FGD6: variants seen among roughly 807,000 people sequenced by gnomAD.
FGD6 encodes FYVE, RhoGEF and PH domain-containing protein 6.
A neutral mutation model predicts 149.4 loss-of-function variants in FGD6; 90 were observed. That is an observed-to-expected ratio of 0.60 (90% CI 0.51 to 0.72). The LOEUF (loss-of-function observed/expected upper bound fraction) is 0.72. FGD6 is among the 30% of genes least tolerant of loss of function. The pLI, the probability that FGD6 is intolerant of heterozygous loss-of-function variation, is 0.00. For synonymous variants in FGD6, 527 were observed against 584.0 expected (o/e 0.90, Z 1.41); for missense variants, 1,437 against 1,684.8 (o/e 0.85, Z 2.57).
At chr12:95,166,416 C>A (rs1010486978) in intron 3 of FGD6, among the ~76,000 whole-genome samples, 17 of 152,060 alleles carry the variant, frequency 1.1e-4, no homozygotes, top group African/African-American at 4.1e-4. Context: ...CCTTTTAAAG[C>A]ATACAATTCA....
intron 2 of FGD6, among the ~76,000 whole-genome samples, chr12:95,196,968 C>T (rs1015437876): frequency 6.6e-6 from 1 of 152,110 alleles, no homozygotes; most frequent in Non-Finnish European, 1.5e-5. Flanking sequence ...CACAAAGAGG[C>T]ATCTCAATCC....
chr12:95,097,214 A>G (rs1878259960), intron 14 of FGD6, among the ~76,000 whole-genome samples: 2 of 152,248 alleles, frequency 1.3e-5, no homozygotes. Flanking sequence ...CAGAAGAATC[A>G]GCATCTTCTT....
At chr12:95,174,944 A>AAAAG (rs1356558438) in intron 2 of FGD6, among the ~76,000 whole-genome samples, 1 of 151,372 alleles carries the variant, frequency 6.6e-6, no homozygotes, top group Non-Finnish European at 1.5e-5. Flanking sequence ...AAAAAAAAAA[A>AAAAG]AAAGAAATTA....
chr12:95,192,418 T>C (rs1881617582), intron 2 of FGD6, among the ~76,000 whole-genome samples: 1 of 152,182 alleles, frequency 6.6e-6, no homozygotes, highest in Non-Finnish European at 1.5e-5. Context: ...TATTATACCA[T>C]AAACAGGATA....
rs1292571167 is a variant in FGD6 at position 95,129,307 on chromosome 12, G to GCATC, written c.3082+5431_3082+5432insGATG. Among the ~76,000 whole-genome samples the GCATC allele has an allele frequency of 5.8e-4, 83 of 142,220 alleles. 1 individual carries two copies. The highest frequency in any genetic ancestry group is 3.8e-3 in the South Asian group (16 of 4,266). The allele number at this position is 142,220 out of a possible 152,430, so 93.3% of individuals were successfully genotyped here. A position where few individuals can be genotyped will look rare whatever the true frequency, so the allele number is the denominator to read the frequency against. ...TGCATCCATGCATCCATGCATGCAT[G>GCATC]CATGCATCCATCCATCCATCCATCC... On this transcript the variant is annotated intron_variant, in intron 8 of 20. Transcript: ENST00000343958.
At chr12:95,145,246 C>T (rs1048698763) in intron 5 of FGD6, among the ~76,000 whole-genome samples, 1 of 152,236 alleles carries the variant, frequency 6.6e-6, no homozygotes, top group Non-Finnish European at 1.5e-5. Flanking sequence ...GTCTCAGCTT[C>T]CCAAAGTGTT....
chr12:95,100,800 T>C, intron 14 of FGD6: 1 of 439,110 alleles, frequency 2.3e-6, no homozygotes, highest in South Asian at 1.9e-5. Flanking sequence ...AATGCCCTTT[T>C]CCCAACATTG....
At chr12:95,128,024 G>GA (rs1273807893) in intron 8 of FGD6, among the ~76,000 whole-genome samples, 1 of 151,856 alleles carries the variant, frequency 6.6e-6, no homozygotes, top group Non-Finnish European at 1.5e-5. Flanking sequence ...CAGGTAGATG[G>GA]AAAAAAACTA....
At chr12:95,192,075 T>C (rs1458657615) in intron 2 of FGD6, among the ~76,000 whole-genome samples, 1 of 152,166 alleles carries the variant, frequency 6.6e-6, no homozygotes, top group Non-Finnish European at 1.5e-5. Context: ...AACCAACTAA[T>C]ATAAATGCTA....
chr12:95,183,093 A>C (rs537938165), intron 2 of FGD6, among the ~76,000 whole-genome samples: 1 of 152,334 alleles, frequency 6.6e-6, no homozygotes, highest in African/African-American at 2.4e-5. Context: ...ATTAAGGCCC[A>C]ATATTATGCT....
chr12:95,095,896 C>G (rs1023915487), intron 14 of FGD6, among the ~76,000 whole-genome samples: 6 of 151,862 alleles, frequency 4.0e-5, no homozygotes, highest in African/African-American at 1.5e-4. Flanking sequence ...TGCCTGTAAT[C>G]CCAGCTACTC....
chr12:95,091,887 TAC>T, intron 16 of FGD6, 78 bp from the exon 17 acceptor site: 2 of 1,091,722 alleles, frequency 1.8e-6, no homozygotes, highest in Non-Finnish European at 1.4e-6. Flanking sequence ...TGTTACAATT[TAC>T]AGTGCTATCC....
chr12:95,079,327 TG>T lies in FGD6; in HGVS notation c.*2192del. 1 of 152,254 alleles carries T rather than the reference TG, an allele frequency of 6.6e-6. No individual in the cohort carries two copies. Among genetic ancestry groups the T allele is most frequent in the Admixed American group, 6.5e-5 (1 of 15,292 alleles). The allele number at this position is 152,254 out of a possible 1,614,324, so 9.4% of individuals were successfully genotyped here. A position where few individuals can be genotyped will look rare whatever the true frequency, so the allele number is the denominator to read the frequency against. ...GCATTTTACATGTAATTAAAGAGAC[TG>T]TAAGTTTGTGCCAGATTTCTTCCCT... On this transcript the variant is annotated 3_prime_UTR_variant, in exon 21 of 21. Transcript: ENST00000343958.
chr12:95,087,041 T>A (rs1877903348), intron 18 of FGD6, among the ~76,000 whole-genome samples: 1 of 150,356 alleles, frequency 6.7e-6, no homozygotes, highest in South Asian at 2.1e-4. Context: ...CGAGACAGGG[T>A]TTCGCCATGT....
At chr12:95,119,324 T>C (rs908606969) in intron 8 of FGD6, among the ~76,000 whole-genome samples, 1 of 152,152 alleles carries the variant, frequency 6.6e-6, no homozygotes, top group African/African-American at 2.4e-5. Flanking sequence ...AATGAAAAAT[T>C]TGAAAAATTA....
intron 8 of FGD6, among the ~76,000 whole-genome samples, chr12:95,121,462 A>AATAT (rs1425869453): frequency 1.3e-4 from 8 of 60,316 alleles, no homozygotes; most frequent in African/African-American, 7.8e-4. Context: ...AAAAAAAAAA[A>AATAT]AGATATATAT....
At chr12:95,123,706 C>T (rs549201305) in intron 8 of FGD6, among the ~76,000 whole-genome samples, 20 of 151,930 alleles carry the variant, frequency 1.3e-4, no homozygotes, top group African/African-American at 3.6e-4. Context: ...GGACTACAGG[C>T]GCCCACCACC....
chr12:95,099,515 C>G (rs541960125), intron 14 of FGD6, among the ~76,000 whole-genome samples: 3 of 152,300 alleles, frequency 2.0e-5, no homozygotes, highest in Admixed American at 6.5e-5. Context: ...CTCATGCCAG[C>G]TTGATCCTCC....
chr12:95,084,259 T>C (rs975768890), intron 20 of FGD6, among the ~76,000 whole-genome samples: 6 of 152,162 alleles, frequency 3.9e-5, no homozygotes, highest in African/African-American at 1.4e-4. Context: ...GTAGATAAAA[T>C]ACTTTGTATA....
Sources: gnomAD v4.1 joint callset for allele counts (sites outside exome capture counted in the v4.1 genomes callset) on GRCh38, gnomAD v4.1.1 for gene constraint, MANE v1.5 for transcripts, NCBI Gene and HGNC (gene_info 2026-07-23, HGNC 2026-07-21) for gene names.